Variants in ZMIZ1 observed in about 807,000 individuals in gnomAD.
ZMIZ1 encodes the protein zinc finger MIZ-type containing 1, also known as zinc finger MIZ domain-containing protein 1.
In ZMIZ1, 17 loss-of-function variants were observed where a neutral mutation model predicts 113.9. The ratio of observed to expected loss-of-function variants is 0.15; its 90% CI spans 0.10 to 0.22. The LOEUF (loss-of-function observed/expected upper bound fraction) is 0.22, where lower values mean the gene tolerates loss of function less well. Ranked by LOEUF, ZMIZ1 falls within the 10% of genes least tolerant of loss-of-function variation. The pLI is 1.00. For missense variants in ZMIZ1, 1,059 were observed against 1,477.8 expected (o/e 0.72, Z 4.65); for synonymous variants, 607 against 603.1 (o/e 1.01, Z -0.09).
chr10:79,123,978 C>T (rs1166440476), intron 2 of ZMIZ1, among the ~76,000 whole-genome samples: 2 of 152,268 alleles, frequency 1.3e-5, no homozygotes, highest in African/African-American at 4.8e-5. Context: ...AATCTGTGGC[C>T]TGCAGCCCAG....
Position 79,293,645 on chromosome 10 carries a change from C to T in ZMIZ1, c.1222C>T (p.Pro408Ser). 6.2e-7 allele frequency: 1 copy of T among 1,613,124 alleles called. No homozygotes were observed. The highest frequency in any genetic ancestry group is 8.5e-7 in the Non-Finnish European group (1 of 1,180,024). ...TATTCAGAACATAAAGAGGCCATAC[C>T]CTGGAGAGGTGAGTGCAGCAGTGGG... The part of the protein sequence containing the change: ...LPIQNIKRPY[P>S]GEPNYGNQQY... Residue 408 changes from proline (P) to serine (S), a missense_variant, in exon 12 of 25, where the codon CCT becomes TCT. By Grantham distance (74) the Pro-to-Ser change is moderately conservative. Around this residue, in one of 6 missense-constraint regions of ZMIZ1, gnomAD observed 239 missense variants for 247.5 expected, o/e 0.97. Transcript: ENST00000334512.
intron 3 of ZMIZ1, among the ~76,000 whole-genome samples, chr10:79,149,059 C>T (rs868351456): frequency 5.3e-5 from 8 of 152,208 alleles, no homozygotes; most frequent in African/African-American, 9.6e-5. Flanking sequence ...CAGGAGCTCC[C>T]GGAGCCAGGA....
intron 1 of ZMIZ1, among the ~76,000 whole-genome samples, chr10:79,093,881 T>C (rs1481085016): frequency 6.6e-6 from 1 of 152,158 alleles, no homozygotes; most frequent in African/African-American, 2.4e-5. Flanking sequence ...ACTTTGTGTA[T>C]TGGGGAGATA....
chr10:79,112,705 C>T (rs192404249), intron 1 of ZMIZ1, among the ~76,000 whole-genome samples: 23 of 152,342 alleles, frequency 1.5e-4, no homozygotes, highest in African/African-American at 5.5e-4. Flanking sequence ...CCACCCGTTC[C>T]TGCAGATCTA....
Position 79,315,163 on chromosome 10 carries a change from C to G in ZMIZ1, c.*2414C>G, listed in dbSNP as rs1464664135. On this transcript the variant is annotated 3_prime_UTR_variant, in exon 25 of 25. Coordinates refer to ENST00000334512, the MANE Select transcript of ZMIZ1 (RefSeq NM_020338.4). ...TTCCTGGGTCCCCTCTCCAGCAAGC[C>G]TCCACCAGCAAGCTCGGCCCAGAGC... 6.5e-6 allele frequency: 1 copy of G among 152,852 alleles called. No homozygotes were observed. Among genetic ancestry groups the G allele is most frequent in the Non-Finnish European group, 1.5e-5 (1 of 68,148 alleles). The allele number at this position is 152,852 out of a possible 1,614,324, so 9.5% of individuals were successfully genotyped here. A position where few individuals can be genotyped will look rare whatever the true frequency, so the allele number is the denominator to read the frequency against.
At position 79,296,438 on chromosome 10, in the gene ZMIZ1, C is replaced by G; in HGVS notation, c.1231-33C>G. ...GCTATGTGACGTTGGCAACATTGAA[C>G]GTGTTTCCCCTCTCCTTTCTCTCCC... is the stretch of plus-strand genomic sequence containing the variant. On this transcript the variant is annotated intron_variant, in intron 12 of 24. Coordinates refer to ENST00000334512, the MANE Select transcript of ZMIZ1 (RefSeq NM_020338.4). The surrounding 1 kb of genome is among the most constrained non-coding windows in gnomAD (Gnocchi z 4.1). The G allele has an allele frequency of 1.9e-6, 3 of 1,610,994 alleles. No homozygotes were observed. The highest frequency in any genetic ancestry group is 2.5e-6 in the Non-Finnish European group (3 of 1,177,938).
chr10:79,110,803 C>T (rs185983367), intron 1 of ZMIZ1, among the ~76,000 whole-genome samples: 1 of 152,342 alleles, frequency 6.6e-6, no homozygotes, highest in East Asian at 1.9e-4. Context: ...CAGTCTGGGG[C>T]TTCCATTTTC....
chr10:79,211,686 G>C (rs1448755475), intron 6 of ZMIZ1, among the ~76,000 whole-genome samples: 1 of 152,194 alleles, frequency 6.6e-6, no homozygotes, highest in Non-Finnish European at 1.5e-5. Flanking sequence ...CACATCTTGA[G>C]ACTTAAGGAT....
rs138791024 is a variant in ZMIZ1, at chr10:79,121,815, G to T, written c.-227+2791G>T. Among the ~76,000 whole-genome samples, 16 of 152,298 alleles carry T rather than the reference G, an allele frequency of 1.1e-4. No individual in the cohort carries two copies. In the East Asian group the frequency reaches 3.1e-3, roughly 29 times the overall value. ...CCTTGGAAAGAGGAGAAATTTGCTA[G>T]GTTGATGTCAAAGGCCAAGGAAGAC... On this transcript the variant is annotated intron_variant, in intron 2 of 24. Transcript: ENST00000334512.
chr10:79,126,635 G>C (rs1287261744), intron 2 of ZMIZ1, among the ~76,000 whole-genome samples: 2 of 152,250 alleles, frequency 1.3e-5, no homozygotes, highest in Non-Finnish European at 2.9e-5. Context: ...CCCCCGGGGG[G>C]TTGGAGACGG....
At chr10:79,276,553 G>A (rs1852305353) in intron 7 of ZMIZ1, among the ~76,000 whole-genome samples, 1 of 151,798 alleles carries the variant, frequency 6.6e-6, no homozygotes, top group Non-Finnish European at 1.5e-5. Flanking sequence ...TGTCTTCCTA[G>A]GCATTTGTGC....
At chr10:79,264,250 C>T (rs1180033676) in intron 7 of ZMIZ1, among the ~76,000 whole-genome samples, 1 of 152,174 alleles carries the variant, frequency 6.6e-6, no homozygotes, top group Non-Finnish European at 1.5e-5. Flanking sequence ...GTCACCTTGC[C>T]TCTTGAGCTT....
rs538940861 is a variant in ZMIZ1 at position 79,280,707 on chromosome 10, C to T, written c.425+3382C>T. On this transcript the variant is annotated intron_variant, in intron 8 of 24. Coordinates refer to ENST00000334512, the MANE Select transcript of ZMIZ1 (RefSeq NM_020338.4). ...TCCCACCCCATTCTTCTGATGACTGCCCTCTTCCCCTAAGCATTATCACAA... is the reference window on the plus strand; with the variant it reads ...TCCCACCCCATTCTTCTGATGACTGTCCTCTTCCCCTAAGCATTATCACAA... 5.3e-5 allele frequency among the ~76,000 whole-genome samples: 8 copies of T among 151,182 alleles called. No individual in the cohort carries two copies. The East Asian group carries it at 1.6e-3, about 30-fold the overall frequency.
At chr10:79,121,000 G>A (rs920947826) in intron 2 of ZMIZ1, among the ~76,000 whole-genome samples, 13 of 152,190 alleles carry the variant, frequency 8.5e-5, no homozygotes, top group African/African-American at 3.1e-4. Context: ...CTGGCACATT[G>A]CCTCCATGAG....
chr10:79,289,462 T>A (rs1853316138), intron 8 of ZMIZ1, among the ~76,000 whole-genome samples: 1 of 152,164 alleles, frequency 6.6e-6, no homozygotes, highest in South Asian at 2.1e-4. Context: ...GAGCTCAGAT[T>A]GGGCCTCAGG....
Position 79,274,238 on chromosome 10 carries a change from G to GT in ZMIZ1, c.281-2942dup, listed in dbSNP as rs1178226605. On this transcript the variant is annotated intron_variant, in intron 7 of 24. Coordinates refer to ENST00000334512, the MANE Select transcript of ZMIZ1 (RefSeq NM_020338.4). ...GTATGCTCTGCGCACACCACACCAGGTCCTCCCGTCTCTCCCACTCACCCT... is the reference window on the plus strand; with the variant it reads ...GTATGCTCTGCGCACACCACACCAGGTTCCTCCCGTCTCTCCCACTCACCCT... Among the ~76,000 whole-genome samples the GT allele has an allele frequency of 5.9e-5, 9 of 152,286 alleles. No individual in the cohort carries two copies. The South Asian group carries it at 8.3e-4, about 14-fold the overall frequency.
chr10:79,126,407 G>A (rs1298998235), intron 2 of ZMIZ1, among the ~76,000 whole-genome samples: 2 of 152,206 alleles, frequency 1.3e-5, no homozygotes, highest in Non-Finnish European at 2.9e-5. Context: ...TAGGGCCAGG[G>A]TCTAGGGGCT....
At chr10:79,261,446 G>A (rs1332085805) in intron 7 of ZMIZ1, among the ~76,000 whole-genome samples, 1 of 152,206 alleles carries the variant, frequency 6.6e-6, no homozygotes, top group Non-Finnish European at 1.5e-5. Flanking sequence ...ACACTGCAGA[G>A]GCCTAAACAA....
intron 1 of ZMIZ1, among the ~76,000 whole-genome samples, chr10:79,114,515 G>GTGTGTA (rs1843927515): frequency 6.9e-6 from 1 of 144,262 alleles, no homozygotes; most frequent in Non-Finnish European, 1.5e-5. Flanking sequence ...GCGTGTGTGT[G>GTGTGTA]TGTGTGTGTG....
Sources: allele counts gnomAD v4.1 joint callset (sites outside exome capture counted in the v4.1 genomes callset), GRCh38; gene constraint gnomAD v4.1.1; regional missense constraint gnomAD v4.1.1; non-coding constraint Gnocchi (gnomAD v3.1); transcripts MANE v1.5; gene names NCBI Gene and HGNC (gene_info 2026-07-23, HGNC 2026-07-21).